BMPR2: variants seen among roughly 807,000 people sequenced by gnomAD.
BMPR2 encodes the protein bone morphogenetic protein receptor type 2.
Under a neutral mutation model 100.8 loss-of-function variants are expected in BMPR2, and 29 were observed. The observed-to-expected ratio is 0.29, with a 90% CI of 0.21 to 0.39. The LOEUF (loss-of-function observed/expected upper bound fraction) is 0.39, where lower values mean the gene tolerates loss of function less well. Ranked by LOEUF, BMPR2 falls within the 10% of genes least tolerant of loss-of-function variation. The probability of loss-of-function intolerance (pLI) is 1.00; values close to 1 mark genes in which losing one functional copy is unlikely to be tolerated. For missense variants in BMPR2, 1,011 were observed against 1,274.5 expected (o/e 0.79, Z 3.15); for synonymous variants, 382 against 442.3 (o/e 0.86, Z 1.71).
intron 1 of BMPR2, among the ~76,000 whole-genome samples, chr2:202,409,379 A>G (rs1232260616): frequency 1.3e-5 from 2 of 152,072 alleles, no homozygotes; most frequent in Admixed American, 6.6e-5. Flanking sequence ...ATATATTTCA[A>G]AAAAATTATA....
At chr2:202,389,425 G>T (rs1690500673) in intron 1 of BMPR2, among the ~76,000 whole-genome samples, 1 of 150,300 alleles carries the variant, frequency 6.7e-6, no homozygotes, top group Admixed American at 6.7e-5. Context: ...TACTCGGGAG[G>T]CTGAGGCAGG....
chr2:202,412,991 A>C (rs1353928149), intron 1 of BMPR2, among the ~76,000 whole-genome samples: 1 of 152,040 alleles, frequency 6.6e-6, no homozygotes. Context: ...AAATGTTCCT[A>C]CTCACTGAAA....
chr2:202,496,199 T>C (rs1161760538), intron 3 of BMPR2, among the ~76,000 whole-genome samples: 1 of 152,198 alleles, frequency 6.6e-6, no homozygotes, highest in African/African-American at 2.4e-5. Flanking sequence ...TATTTATAAT[T>C]GTTATGGCCA....
chr2:202,440,768 G>C (rs1691721645), intron 1 of BMPR2, among the ~76,000 whole-genome samples: 1 of 150,332 alleles, frequency 6.7e-6, no homozygotes, highest in Non-Finnish European at 1.5e-5. Context: ...CCTTGGCTTG[G>C]CATCAGAGGG....
At chr2:202,537,627 A>G (rs997881721) in intron 9 of BMPR2, among the ~76,000 whole-genome samples, 2 of 152,178 alleles carry the variant, frequency 1.3e-5, no homozygotes, top group Non-Finnish European at 2.9e-5. Flanking sequence ...AATGTACTTA[A>G]TACCACAGAA....
intron 1 of BMPR2, among the ~76,000 whole-genome samples, chr2:202,398,129 A>G (rs1285523759): frequency 2.6e-5 from 4 of 151,670 alleles, no homozygotes; most frequent in Admixed American, 2.0e-4. Context: ...AAAAAAATCT[A>G]TACTTACCTG....
intron 1 of BMPR2, among the ~76,000 whole-genome samples, chr2:202,417,405 C>T (rs760736220): frequency 4.6e-5 from 7 of 152,096 alleles, no homozygotes; most frequent in Non-Finnish European, 8.8e-5. Flanking sequence ...CGGGTTCGAG[C>T]GATTCTCCTG....
intron 9 of BMPR2, among the ~76,000 whole-genome samples, chr2:202,538,137 T>C (rs1163259337): frequency 6.6e-6 from 1 of 150,630 alleles, no homozygotes; most frequent in Non-Finnish European, 1.5e-5. Flanking sequence ...CTAAAAAGAA[T>C]GGGATTCAAA....
intron 3 of BMPR2, among the ~76,000 whole-genome samples, chr2:202,513,037 T>C (rs1165184395): frequency 1.3e-5 from 2 of 151,544 alleles, no homozygotes; most frequent in East Asian, 1.9e-4. Flanking sequence ...CAATCATGGC[T>C]CACTGCAGCC....
At chr2:202,529,681 A>G (rs1016666333) in intron 7 of BMPR2, among the ~76,000 whole-genome samples, 3 of 152,090 alleles carry the variant, frequency 2.0e-5, no homozygotes, top group Admixed American at 6.6e-5. Flanking sequence ...GGTAACTCCT[A>G]TTTTTTCTTC....
intron 3 of BMPR2, among the ~76,000 whole-genome samples, chr2:202,512,784 G>C (rs1687648106): frequency 6.6e-6 from 1 of 152,116 alleles, no homozygotes; most frequent in Admixed American, 6.5e-5. Context: ...CTTGGGCTCA[G>C]ATAGGAGAAG....
chr2:202,507,005 G>T (rs187820404), intron 3 of BMPR2, among the ~76,000 whole-genome samples: 187 of 151,144 alleles, frequency 1.2e-3, no homozygotes, highest in Admixed American at 2.6e-3. Flanking sequence ...CCTGGGAGGC[G>T]AAGGTTGTAG....
chr2:202,535,565 A>G (rs1688136694), intron 9 of BMPR2, among the ~76,000 whole-genome samples: 2 of 125,974 alleles, frequency 1.6e-5, no homozygotes, highest in Non-Finnish European at 1.7e-5. Flanking sequence ...CCTAGATGGG[A>G]TGGCGGCCGG....
At chr2:202,539,964 AT>A in intron 9 of BMPR2, among the ~76,000 whole-genome samples, 1 of 152,160 alleles carries the variant, frequency 6.6e-6, no homozygotes, top group African/African-American at 2.4e-5. Context: ...CAATAAGGTT[AT>A]TATCTTCCAT....
Position 202,467,384 on chromosome 2 carries a change from T to C in BMPR2, c.248-135T>C, listed in dbSNP as rs539570262. ...TTTTTCTGTTTCTTAAAAATATGTT[T>C]CCTGTTGATTTGCAAAACTGTTTCA... On this transcript the variant is annotated intron_variant, in intron 2 of 12. Coordinates refer to ENST00000374580, the MANE Select transcript of BMPR2 (RefSeq NM_001204.7). 5.9e-4 allele frequency: 457 copies of C among 774,854 alleles called. 12 individuals carry two copies. The South Asian group carries it at 7.3e-3, about 12-fold the overall frequency. The allele number at this position is 774,854 out of a possible 1,614,324, so 48.0% of individuals were successfully genotyped here. A position where few individuals can be genotyped will look rare whatever the true frequency, so the allele number is the denominator to read the frequency against.
At chr2:202,485,545 C>CTTTTTTTTT (rs762096820) in intron 3 of BMPR2, among the ~76,000 whole-genome samples, 7,767 of 63,486 alleles carry the variant, frequency 0.12, 2,282 homozygotes, top group Non-Finnish European at 0.15. Flanking sequence ...TTGCCTTTAT[C>CTTTTTTTTT]TTTTTTTTTT....
chr2:202,397,694 C>G (rs1690681161), intron 1 of BMPR2, among the ~76,000 whole-genome samples: 1 of 151,496 alleles, frequency 6.6e-6, no homozygotes, highest in African/African-American at 2.4e-5. Context: ...GAGACAGGGT[C>G]TCACCATGTT....
intron 3 of BMPR2, among the ~76,000 whole-genome samples, chr2:202,493,352 AAGTACAATCTT>A (rs1433337709): frequency 2.0e-5 from 3 of 152,156 alleles, no homozygotes; most frequent in African/African-American, 4.8e-5. Context: ...CATATCTAAA[AAGTACAATCTT>A]AGTACAATAG....
chr2:202,378,493 G>C (rs879270008), intron 1 of BMPR2, among the ~76,000 whole-genome samples: 2 of 152,028 alleles, frequency 1.3e-5, no homozygotes, highest in African/African-American at 4.8e-5. Context: ...TTTTTCTTTT[G>C]ATAAGTGTGT....
Sources: allele counts gnomAD v4.1 joint callset (sites outside exome capture counted in the v4.1 genomes callset), GRCh38; gene constraint gnomAD v4.1.1; transcripts MANE v1.5; gene names NCBI Gene and HGNC (gene_info 2026-07-23, HGNC 2026-07-21).